The following ZNF436 variants were observed in gnomAD, a reference collection of about 807,000 sequenced individuals.
ZNF436 encodes the protein DNA-binding protein.
In ZNF436, 22 loss-of-function variants were observed where a neutral mutation model predicts 41.9. That is an observed-to-expected ratio of 0.53 (90% confidence interval 0.38 to 0.75). The LOEUF is 0.75. Ranked by LOEUF, ZNF436 falls within the 30% of genes least tolerant of loss-of-function variation. ZNF436 has a pLI of 0.00. For synonymous variants in ZNF436, 217 were observed against 197.8 expected (o/e 1.10, Z -0.82); for missense variants, 506 against 587.3 (o/e 0.86, Z 1.43).
chr1:23,366,314 CCATA>C (rs1638357532), intron 3 of ZNF436, among the ~76,000 whole-genome samples: 1 of 151,532 alleles, frequency 6.6e-6, no homozygotes, highest in Non-Finnish European at 1.5e-5. Context: ...ACCTAGTGAC[CCATA>C]CACGCTTGCT....
Position 23,369,114 on chromosome 1 carries a change from C to A in ZNF436, c.-61+252G>T, listed in dbSNP as rs1172745087. The A allele has an allele frequency of 7.2e-6, 2 of 276,718 alleles. No individual in the cohort carries two copies. Among genetic ancestry groups the A allele is most frequent in the Non-Finnish European group, 1.5e-5 (2 of 132,544 alleles). 17.1% of individuals were successfully genotyped at this position (276,718 alleles called of 1,614,324 possible). The stretch of plus-strand genomic sequence containing the variant: ...GCGTCCAGCGGCGGGGAGGCGAAAA[C>A]CCTGGGGGACTCAGAAGCGGGTGGC... On this transcript the variant is annotated intron_variant, in intron 1 of 3. Transcript: ENST00000314011.
In ZNF436 at chr1:23,361,979, T is replaced by C; in HGVS notation, c.1403A>G (p.His468Arg). 1.9e-6 allele frequency: 3 copies of C among 1,595,008 alleles called. No individual in the cohort carries two copies. The highest frequency in any genetic ancestry group is 2.6e-6 in the Non-Finnish European group (3 of 1,170,994). The change falls in exon 4 of 4, where the codon CAT becomes CGT. Residue 468 changes from histidine (H) to arginine (R), a missense_variant. By Grantham distance (29) the His-to-Arg change is conservative. Transcript: ENST00000314011. The part of the protein sequence containing the change: ...SSALIKHKRV[H>R]TD ...CATCATAATTACAGCTTAGTCCGTA[T>C]GAACTCTCTTATGTTTAATAAGAGC...
At chr1:23,366,245 A>G (rs993797772) in intron 3 of ZNF436, among the ~76,000 whole-genome samples, 3 of 152,196 alleles carry the variant, frequency 2.0e-5, no homozygotes, top group East Asian at 3.8e-4. Context: ...TTTTGTTCTG[A>G]AAAAGGCTAT....
intron 3 of ZNF436, among the ~76,000 whole-genome samples, chr1:23,363,801 A>C (rs893069321): frequency 1.3e-5 from 2 of 152,202 alleles, no homozygotes; most frequent in African/African-American, 4.8e-5. Flanking sequence ...ACACTTTAGG[A>C]GGCCAAGTCA....
At chr1:23,368,833 C>A (rs1638426554) in intron 1 of ZNF436, among the ~76,000 whole-genome samples, 1 of 152,214 alleles carries the variant, frequency 6.6e-6, no homozygotes. Flanking sequence ...GCCGCCCACT[C>A]CCCAGGGGAG....
chr1:23,367,009 G>A lies in ZNF436; in HGVS notation c.160+33C>T, dbSNP rs201383148. On this transcript the variant is annotated intron_variant, in intron 3 of 3. Transcript: ENST00000314011. ...GTCATTTTGACACGATCTCAAAAAC[G>A]TGGAGGCAAAGAAAGGTAGAATCCT... is the stretch of plus-strand genomic sequence containing the variant. 180 of 1,594,570 alleles carry A rather than the reference G, an allele frequency of 1.1e-4. 3 individuals are homozygous for A. Among genetic ancestry groups the A allele is most frequent in the Admixed American group, 6.0e-4 (34 of 56,390 alleles).
chr1:23,365,956 C>T (rs868336004), intron 3 of ZNF436, among the ~76,000 whole-genome samples: 2 of 146,766 alleles, frequency 1.4e-5, no homozygotes, highest in South Asian at 2.2e-4. Flanking sequence ...CATTTTTAAA[C>T]CCATTCCCAT....
chr1:23,367,899 G>A (rs1638397202), intron 2 of ZNF436, 74 bp downstream of exon 2: 1 of 1,542,462 alleles, frequency 6.5e-7, no homozygotes. Flanking sequence ...TTCCCACAGG[G>A]ACTTGCAGAG....
chr1:23,364,009 A>C (rs1638302611), intron 3 of ZNF436, among the ~76,000 whole-genome samples: 1 of 152,074 alleles, frequency 6.6e-6, no homozygotes, highest in Admixed American at 6.6e-5. Context: ...GCCACCGCAC[A>C]CCAATATGGG....
At position 23,368,039 on chromosome 1, in the gene ZNF436, A is replaced by C; in HGVS notation, c.-34T>G. The C allele has an allele frequency of 1.2e-6, 2 of 1,613,386 alleles. No homozygotes were observed. The highest frequency in any genetic ancestry group is 1.7e-6 in the Non-Finnish European group (2 of 1,179,654). On this transcript the variant is annotated 5_prime_UTR_variant, in exon 2 of 4. Coordinates refer to ENST00000314011, the MANE Select transcript of ZNF436 (RefSeq NM_001077195.2). ...CAAGGGTTCGCCTCCAGGGAGAGAG[A>C]GCAGGAAAAGCAGCTAGCAGACAGC...
At chr1:23,367,308 G>C (rs1340869295) in intron 2 of ZNF436, 140 bp from the exon 3 acceptor site, 37 of 1,051,800 alleles carry the variant, frequency 3.5e-5, no homozygotes, top group Non-Finnish European at 4.8e-5. Flanking sequence ...GCAAAAAAGA[G>C]ATGTGGTAAA....
In ZNF436 at chr1:23,363,059, T is replaced by C; in HGVS notation, c.323A>G (p.Asp108Gly). 1 of 1,614,150 alleles carries C rather than the reference T, an allele frequency of 6.2e-7. No individual in the cohort carries two copies. The highest frequency in any genetic ancestry group is 2.2e-5 in the East Asian group (1 of 44,884). Residue 108 changes from aspartate (D) to glycine (G), a missense_variant, in exon 4 of 4, where the codon GAT becomes GGT. Transcript: ENST00000314011. The part of the protein sequence containing the change: ...SGDRSERQWG[D>G]LTAEEWVSYP... ...GCTTACCCACTCTTCTGCTGTTAAA[T>C]CTCCCCATTGTCTTTCTGACCTATC...
chr1:23,365,917 CAAA>C (rs10634507), intron 3 of ZNF436, among the ~76,000 whole-genome samples: 2 of 98,020 alleles, frequency 2.0e-5, no homozygotes, highest in Non-Finnish European at 1.9e-5. Context: ...GATCCTGTCT[CAAA>C]AAAAAAAAAA....
At position 23,362,646 on chromosome 1, in the gene ZNF436, C is replaced by T. The variant is rs766315351; in HGVS notation, c.736G>A (p.Gly246Ser). 6.2e-7 allele frequency: 1 copy of T among 1,614,230 alleles called. No individual in the cohort carries two copies. Among genetic ancestry groups the T allele is most frequent in the Non-Finnish European group, 8.5e-7 (1 of 1,180,046 alleles). ...HLIQHQRTHSGEKPYECEECG... is the reference protein window; with the variant it reads ...HLIQHQRTHSSEKPYECEECG... ...TCCTCACACTCATAGGGTTTCTCAC[C>T]ACTGTGGGTCCTTTGGTGTTGGATT... Residue 246 changes from glycine to serine, a missense_variant, in exon 4 of 4, where the codon GGT (glycine) becomes AGT (serine). Physicochemically the swap from Gly to Ser is moderately conservative, Grantham distance 56. Coordinates refer to ENST00000314011, the MANE Select transcript of ZNF436 (RefSeq NM_001077195.2).
intron 3 of ZNF436, 61 bp from the exon 4 acceptor site, chr1:23,363,282 C>T (rs1638290230): frequency 7.0e-7 from 1 of 1,436,602 alleles, no homozygotes; most frequent in Non-Finnish European, 9.3e-7. Flanking sequence ...GTGTGCCAGG[C>T]ACTATACTAA....
intron 1 of ZNF436, 65 bp from the exon 2 acceptor site, chr1:23,368,130 G>A (rs917852537): frequency 3.5e-6 from 4 of 1,140,272 alleles, no homozygotes; most frequent in Admixed American, 2.1e-5. Flanking sequence ...CCCAGGGCTG[G>A]AGTTCTGGCC....
intron 1 of ZNF436, chr1:23,368,525 A>C (rs535357255): frequency 6.4e-6 from 1 of 155,538 alleles, no homozygotes; most frequent in South Asian, 1.8e-4. Context: ...CGGGAGTTGG[A>C]GTTCCACTCC....
Position 23,360,723 on chromosome 1 carries a change from T to C in ZNF436, c.*1246A>G, listed in dbSNP as rs955142802. On this transcript the variant is annotated 3_prime_UTR_variant, in exon 4 of 4. Coordinates refer to ENST00000314011, the MANE Select transcript of ZNF436 (RefSeq NM_001077195.2). ...TTTGTCTGGTCATTATCTTCCACAA[T>C]TGACAAACACATACAAACAAGTGCT... 3.3e-5 allele frequency: 5 copies of C among 152,656 alleles called. No individual in the cohort carries two copies. The highest frequency in any genetic ancestry group is 1.5e-5 in the Non-Finnish European group (1 of 68,044). 9.5% of individuals were successfully genotyped at this position (152,656 alleles called of 1,614,324 possible). A position where few individuals can be genotyped will look rare whatever the true frequency, so the allele number is the denominator to read the frequency against.
rs374882234 is a variant in ZNF436 at position 23,368,038 on chromosome 1, G to A, written c.-33C>T. ...ACAAGGGTTCGCCTCCAGGGAGAGAGAGCAGGAAAAGCAGCTAGCAGACAG... is the reference window on the plus strand; with the variant it reads ...ACAAGGGTTCGCCTCCAGGGAGAGAAAGCAGGAAAAGCAGCTAGCAGACAG... On this transcript the variant is annotated 5_prime_UTR_variant, in exon 2 of 4. Transcript: ENST00000314011. 7 of 1,613,724 alleles carry A rather than the reference G, an allele frequency of 4.3e-6. No homozygotes were observed. The highest frequency in any genetic ancestry group is 1.7e-4 in the Middle Eastern group (1 of 6,056).
Sources: allele counts gnomAD v4.1 joint callset (sites outside exome capture counted in the v4.1 genomes callset), GRCh38; gene constraint gnomAD v4.1.1; transcripts MANE v1.5; gene names NCBI Gene and HGNC (gene_info 2026-07-23, HGNC 2026-07-21).